Variants in COL4A2 observed in about 807,000 individuals in gnomAD.
COL4A2 encodes collagen type IV alpha 2 chain, also known as collagen alpha-2(IV) chain.
A neutral mutation model predicts 200.2 loss-of-function variants in COL4A2; 99 were observed. The observed-to-expected ratio is 0.49, with a 90% CI of 0.42 to 0.58. The LOEUF is 0.58. Among genes scored for constraint, COL4A2 ranks in the 20% least tolerant of loss-of-function variants. The pLI is 0.00. For synonymous variants in COL4A2, 897 were observed against 900.6 expected, an observed-to-expected ratio of 1.00 and a Z score of 0.07; for missense variants, 1,950 against 2,314.1, an observed-to-expected ratio of 0.84 and a Z score of 3.23.
chr13:110,456,809 CG>C (rs1881753338), intron 20 of COL4A2: 5 of 477,344 alleles, frequency 1.0e-5, no homozygotes, highest in Non-Finnish European at 1.7e-5. Flanking sequence ...CCCATGGTGC[CG>C]ATGCCCTGCG....
chr13:110,342,943 C>T (rs1052640147), intron 3 of COL4A2, among the ~76,000 whole-genome samples: 1 of 152,194 alleles, frequency 6.6e-6, no homozygotes, highest in Non-Finnish European at 1.5e-5. Flanking sequence ...TCTTCATGCA[C>T]TGGTATAGGA....
At chr13:110,424,681 A>T in intron 4 of COL4A2, 53 bp from the exon 5 acceptor site, 1 of 1,271,596 alleles carries the variant, frequency 7.9e-7, no homozygotes, top group East Asian at 2.3e-5. Flanking sequence ...GTAACTGATC[A>T]TGAGTATGTA....
chr13:110,443,276 T>C lies in COL4A2; in HGVS notation c.958-2553T>C, dbSNP rs147808377. On this transcript the variant is annotated intron_variant, in intron 16 of 47. Coordinates refer to ENST00000360467, the MANE Select transcript of COL4A2 (RefSeq NM_001846.4). ...ACAGGTGCTCCCTCGGCCACTGCAATGAAAAGGGTACAACAGGCAAATGAA... is the reference window on the plus strand; with the variant it reads ...ACAGGTGCTCCCTCGGCCACTGCAACGAAAAGGGTACAACAGGCAAATGAA... Among the ~76,000 whole-genome samples the C allele has an allele frequency of 5.4e-3, 827 of 152,232 alleles. 6 individuals are homozygous for C. Among genetic ancestry groups the C allele is most frequent in the Non-Finnish European group, 8.2e-3 (555 of 68,024 alleles).
At chr13:110,477,049 G>A (rs1231530390) in intron 29 of COL4A2, among the ~76,000 whole-genome samples, 2 of 152,142 alleles carry the variant, frequency 1.3e-5, no homozygotes, top group African/African-American at 4.8e-5. Flanking sequence ...ACTCCCCAGA[G>A]GAAAATAGGA....
intron 4 of COL4A2, among the ~76,000 whole-genome samples, chr13:110,399,392 G>C (rs780207188): frequency 6.6e-6 from 1 of 152,190 alleles, no homozygotes; most frequent in Non-Finnish European, 1.5e-5. Context: ...GGCATGTGGG[G>C]CATAAGTGAG....
At chr13:110,438,337 G>A (rs1488693545) in intron 14 of COL4A2, among the ~76,000 whole-genome samples, 3 of 152,218 alleles carry the variant, frequency 2.0e-5, no homozygotes, top group Non-Finnish European at 2.9e-5. Context: ...TCTGCCCTCC[G>A]TCCCCTCTGT....
intron 27 of COL4A2, among the ~76,000 whole-genome samples, chr13:110,467,600 A>G (rs1882295586): frequency 1.3e-5 from 2 of 152,218 alleles, no homozygotes; most frequent in South Asian, 2.1e-4. Context: ...CATGTGAGAA[A>G]GAGTCTGGGT....
intron 3 of COL4A2, among the ~76,000 whole-genome samples, chr13:110,323,918 A>G (rs1178099363): frequency 6.6e-6 from 1 of 152,218 alleles, no homozygotes; most frequent in Non-Finnish European, 1.5e-5. Flanking sequence ...TGAGTGCGAA[A>G]GGCATGGCCC....
intron 4 of COL4A2, among the ~76,000 whole-genome samples, chr13:110,362,245 G>A (rs1877549715): frequency 1.3e-5 from 2 of 152,168 alleles, no homozygotes; most frequent in South Asian, 4.1e-4. Context: ...TTGAGGGTCT[G>A]TATTTCAAAT....
intron 20 of COL4A2, among the ~76,000 whole-genome samples, chr13:110,456,138 T>A (rs1881725420): frequency 6.6e-6 from 1 of 152,210 alleles, no homozygotes; most frequent in East Asian, 1.9e-4. Context: ...TGCACCGTCA[T>A]CATCAGGGAT....
rs553650022 is a variant in COL4A2 at position 110,454,895 on chromosome 13, T to C, written c.1340-2448T>C. On this transcript the variant is annotated intron_variant, in intron 20 of 47. Coordinates refer to ENST00000360467, the MANE Select transcript of COL4A2 (RefSeq NM_001846.4). ...AAGCTCTCCATGTCCAAAATGGAGCTCTGGGCCTCCTCCGTCCCCACCCCC... is the reference window on the plus strand; with the variant it reads ...AAGCTCTCCATGTCCAAAATGGAGCCCTGGGCCTCCTCCGTCCCCACCCCC... Among the ~76,000 whole-genome samples the C allele has an allele frequency of 5.9e-5, 9 of 152,236 alleles. No individual in the cohort carries two copies. The East Asian group carries it at 1.7e-3, about 29-fold the overall frequency.
At chr13:110,420,133 C>T in intron 4 of COL4A2, among the ~76,000 whole-genome samples, 1 of 152,118 alleles carries the variant, frequency 6.6e-6, no homozygotes. Flanking sequence ...GACGCCGACA[C>T]AGACCTCCCT....
intron 3 of COL4A2, among the ~76,000 whole-genome samples, chr13:110,312,676 G>T (rs1450060657): frequency 1.3e-5 from 2 of 152,228 alleles, no homozygotes; most frequent in Non-Finnish European, 2.9e-5. Context: ...CATGCTTTGT[G>T]TCTGCTGGTG....
At chr13:110,471,866 G>A (rs1356179580) in intron 28 of COL4A2, among the ~76,000 whole-genome samples, 1 of 152,128 alleles carries the variant, frequency 6.6e-6, no homozygotes, top group Admixed American at 6.5e-5. Flanking sequence ...AGAATCACCT[G>A]CCAGTCTCAT....
intron 3 of COL4A2, among the ~76,000 whole-genome samples, chr13:110,337,431 C>T (rs555725238): frequency 6.6e-6 from 1 of 152,360 alleles, no homozygotes; most frequent in Admixed American, 6.5e-5. Flanking sequence ...CCAGCGGCAT[C>T]TGCCAAGGCT....
chr13:110,502,953 T>G, intron 41 of COL4A2, 168 bp from the exon 42 acceptor site: 1 of 655,810 alleles, frequency 1.5e-6, no homozygotes, highest in Non-Finnish European at 2.7e-6. Context: ...AATGGTAACT[T>G]TTATGTTCTA....
intron 47 of COL4A2, among the ~76,000 whole-genome samples, chr13:110,509,472 T>G (rs146003996): frequency 7.9e-5 from 12 of 152,168 alleles, no homozygotes; most frequent in African/African-American, 2.9e-4. Context: ...AGGCACAATT[T>G]CTACCTTTCC....
chr13:110,445,822 C>G lies in COL4A2; in HGVS notation c.958-7C>G. 6.2e-7 allele frequency: 1 copy of G among 1,614,160 alleles called. No homozygotes were observed. Among genetic ancestry groups the G allele is most frequent in the Non-Finnish European group, 8.5e-7 (1 of 1,180,010 alleles). The stretch of plus-strand genomic sequence containing the variant: ...ACAAAAATTAAAAGCAAATATCTTT[C>G]TTGCAGGGAAGCCGAGGCCTGGATG... On this transcript the variant is annotated splice_polypyrimidine_tract_variant and splice_region_variant and intron_variant, in intron 16 of 47. Coordinates refer to ENST00000360467, the MANE Select transcript of COL4A2 (RefSeq NM_001846.4).
chr13:110,474,969 TACCC>T (rs201973979), intron 29 of COL4A2, among the ~76,000 whole-genome samples: 2,603 of 142,550 alleles, frequency 0.018, 50 homozygotes, highest in Non-Finnish European at 0.027. Context: ...CACACGTACA[TACCC>T]ACACACGTGC....
Sources: allele counts gnomAD v4.1 joint callset (sites outside exome capture counted in the v4.1 genomes callset), GRCh38; gene constraint gnomAD v4.1.1; transcripts MANE v1.5; gene names NCBI Gene and HGNC (gene_info 2026-07-23, HGNC 2026-07-21).